The following CDH12 variants were observed in gnomAD, a reference collection of about 807,000 sequenced individuals.
CDH12 encodes the protein cadherin-12.
CDH12 carries 41 observed loss-of-function variants against 74.1 expected under a neutral mutation model. The observed-to-expected ratio is 0.55, with a 90% CI of 0.43 to 0.72. The LOEUF is 0.72. CDH12 is among the 30% of genes least tolerant of loss of function. The pLI is 0.00. For synonymous variants in CDH12, 399 were observed against 355.0 expected (o/e 1.12, Z -1.39); for missense variants, 945 against 977.2 (o/e 0.97, Z 0.44).
At chr5:21,921,574 T>C (rs980504640) in intron 6 of CDH12, among the ~76,000 whole-genome samples, 4 of 152,188 alleles carry the variant, frequency 2.6e-5, no homozygotes, top group Non-Finnish European at 4.4e-5. Context: ...TTTGAATTCA[T>C]GAAAGCAACT....
Position 22,078,561 on chromosome 5 carries a change from A to T in CDH12, c.116T>A (p.Val39Asp). 1 of 1,613,952 alleles carries T rather than the reference A, an allele frequency of 6.2e-7. No individual in the cohort carries two copies. The highest frequency in any genetic ancestry group is 8.5e-7 in the Non-Finnish European group (1 of 1,179,886). The change falls in exon 5 of 15, where the codon GTT becomes GAT. Residue 39 changes from valine to aspartate, a missense_variant. Physicochemically the swap from Val to Asp is radical, Grantham distance 152. Coordinates refer to ENST00000382254, the MANE Select transcript of CDH12 (RefSeq NM_004061.5). ...QTLATEPRENVIHLPGQRSHF... is the reference protein window; with the variant it reads ...QTLATEPRENDIHLPGQRSHF... ...TGACCGTTGTCCTGGCAGATGGATA[A>T]CATTTTCTCTTGGCTCTGTGGCTAA...
rs553036212 is a variant in CDH12 at position 21,852,474 on chromosome 5, G to C, written c.646+2197C>G. Among the ~76,000 whole-genome samples the C allele has an allele frequency of 7.3e-5, 11 of 151,498 alleles. No individual in the cohort carries two copies. The South Asian group carries it at 2.3e-3, about 31-fold the overall frequency. ...TATTGGCCAAGTGAAATCAAGGGAAGAGTATGTTTTTTGGTTCATAAAGTT... is the reference window on the plus strand; with the variant it reads ...TATTGGCCAAGTGAAATCAAGGGAACAGTATGTTTTTTGGTTCATAAAGTT... On this transcript the variant is annotated intron_variant, in intron 7 of 14. Coordinates refer to ENST00000382254, the MANE Select transcript of CDH12 (RefSeq NM_004061.5).
At chr5:22,778,725 A>G (rs1033605642) in intron 1 of CDH12, among the ~76,000 whole-genome samples, 1 of 152,162 alleles carries the variant, frequency 6.6e-6, no homozygotes, top group Non-Finnish European at 1.5e-5. Context: ...ATCATTCTCT[A>G]GACAGCTTTT....
At chr5:22,381,955 C>T (rs1190965259) in intron 3 of CDH12, among the ~76,000 whole-genome samples, 1 of 149,500 alleles carries the variant, frequency 6.7e-6, no homozygotes, top group Non-Finnish European at 1.5e-5. Context: ...AGAGAAGTTC[C>T]TTATAATATA....
intron 3 of CDH12, among the ~76,000 whole-genome samples, chr5:22,256,183 T>G (rs1338567187): frequency 1.3e-5 from 2 of 152,154 alleles, no homozygotes; most frequent in Non-Finnish European, 2.9e-5. Context: ...CTTTATTGTT[T>G]GGTAGAAACA....
chr5:22,315,107 G>C (rs375015421), intron 3 of CDH12, among the ~76,000 whole-genome samples: 2 of 88,328 alleles, frequency 2.3e-5, no homozygotes, highest in Non-Finnish European at 4.6e-5. Context: ...GCCTGCCACC[G>C]TGCCTGCCTG....
At chr5:22,331,938 G>A (rs1321023500) in intron 3 of CDH12, among the ~76,000 whole-genome samples, 1 of 152,104 alleles carries the variant, frequency 6.6e-6, no homozygotes, top group Non-Finnish European at 1.5e-5. Flanking sequence ...TGAGCTTGGA[G>A]ACAGGCTATT....
At chr5:22,728,892 T>C (rs1744294276) in intron 1 of CDH12, among the ~76,000 whole-genome samples, 1 of 151,736 alleles carries the variant, frequency 6.6e-6, no homozygotes. Flanking sequence ...CATTGATGCT[T>C]AGGGTTTGAA....
chr5:21,956,807 A>G (rs911297363), intron 6 of CDH12, among the ~76,000 whole-genome samples: 2 of 152,114 alleles, frequency 1.3e-5, no homozygotes, highest in African/African-American at 2.4e-5. Flanking sequence ...TTAAATAAAG[A>G]TTATTTCCTC....
chr5:22,397,008 T>C (rs753547377), intron 3 of CDH12, among the ~76,000 whole-genome samples: 1 of 152,116 alleles, frequency 6.6e-6, no homozygotes, highest in Non-Finnish European at 1.5e-5. Flanking sequence ...TAAACTTTGG[T>C]GTATCAGAGT....
chr5:22,312,934 C>T (rs1419460381), intron 3 of CDH12, among the ~76,000 whole-genome samples: 2 of 152,136 alleles, frequency 1.3e-5, no homozygotes, highest in African/African-American at 2.4e-5. Flanking sequence ...AGCTTTTCCC[C>T]TTTGTGTATT....
At position 22,165,886 on chromosome 5, in the gene CDH12, C is replaced by A. The variant is rs537338866; in HGVS notation, c.-187+46612G>T. 7.2e-5 allele frequency among the ~76,000 whole-genome samples: 11 copies of A among 152,250 alleles called. No homozygotes were observed. In the East Asian group the frequency reaches 1.7e-3, roughly 24 times the overall value. On this transcript the variant is annotated intron_variant, in intron 4 of 14. Transcript: ENST00000382254. ...ATGCCATGGCAAGATCAGGAAGTTA[C>A]CCTATATGGTCTGTAAAGGGGAGGC...
intron 4 of CDH12, among the ~76,000 whole-genome samples, chr5:22,183,708 C>G (rs1419753872): frequency 6.6e-6 from 1 of 152,114 alleles, no homozygotes; most frequent in Admixed American, 6.5e-5. Context: ...TAAGGATCAG[C>G]AGGGACAATC....
chr5:22,369,821 T>C lies in CDH12; in HGVS notation c.-333+35436A>G, dbSNP rs146106802. On this transcript the variant is annotated intron_variant, in intron 3 of 14. Transcript: ENST00000382254. ...ATTTTTAAACACTCAAAATCATTCA[T>C]AGTGACTGTCAGAATATGTGAAAAC... is the stretch of plus-strand genomic sequence containing the variant. Among the ~76,000 whole-genome samples the C allele has an allele frequency of 3.3e-5, 5 of 152,330 alleles. No individual in the cohort carries two copies. The East Asian group carries it at 7.7e-4, about 24-fold the overall frequency.
In CDH12 at chr5:21,809,106, T is replaced by G. The variant is rs75350795; in HGVS notation, c.1003-6686A>C. On this transcript the variant is annotated intron_variant, in intron 9 of 14. Coordinates refer to ENST00000382254, the MANE Select transcript of CDH12 (RefSeq NM_004061.5). ...CAAAACTATTTATTAGAAATGCACT[T>G]AATTTTTCTGTGGACAAGTTATTAC... Among the ~76,000 whole-genome samples the G allele has an allele frequency of 2.9e-3, 440 of 152,218 alleles. 1 individual carries two copies. The highest frequency in any genetic ancestry group is 0.01 in the African/African-American group (427 of 41,566).
At chr5:21,819,036 A>G (rs549443214) in intron 8 of CDH12, among the ~76,000 whole-genome samples, 4 of 152,156 alleles carry the variant, frequency 2.6e-5, no homozygotes, top group Non-Finnish European at 5.9e-5. Flanking sequence ...TAAAGCAGTG[A>G]TTGAATTTGA....
Position 22,815,568 on chromosome 5 carries a change from G to A in CDH12, c.-523+37490C>T, listed in dbSNP as rs532867374. On this transcript the variant is annotated intron_variant, in intron 1 of 14. Transcript: ENST00000382254. Reference sequence around the variant, plus strand: ...GCGGATAACCTGAGGTCAGGAGTTCGAGACTAGCCTGGCCAACATGGTGAA... The same window carrying A: ...GCGGATAACCTGAGGTCAGGAGTTCAAGACTAGCCTGGCCAACATGGTGAA... Among the ~76,000 whole-genome samples, 9 of 151,928 alleles carry A rather than the reference G, an allele frequency of 5.9e-5. No homozygotes were observed. The South Asian group carries it at 8.3e-4, about 14-fold the overall frequency.
intron 6 of CDH12, among the ~76,000 whole-genome samples, chr5:21,964,369 A>C (rs981065212): frequency 3.3e-5 from 5 of 152,044 alleles, no homozygotes; most frequent in African/African-American, 1.2e-4. Flanking sequence ...CACTTTCCTA[A>C]ACACTTCCCC....
intron 3 of CDH12, among the ~76,000 whole-genome samples, chr5:22,232,900 A>G (rs976678393): frequency 2.0e-5 from 3 of 148,346 alleles, no homozygotes; most frequent in African/African-American, 7.4e-5. Flanking sequence ...TATTTTCTAT[A>G]TATATTTTTT....
Sources: gnomAD v4.1 joint callset for allele counts (sites outside exome capture counted in the v4.1 genomes callset) on GRCh38, gnomAD v4.1.1 for gene constraint, MANE v1.5 for transcripts, NCBI Gene and HGNC (gene_info 2026-07-23, HGNC 2026-07-21) for gene names.